ADAMTS16: variants seen among roughly 807,000 people sequenced by gnomAD.
ADAMTS16 encodes the protein ADAM metallopeptidase with thrombospondin type 1 motif 16, also known as A disintegrin and metalloproteinase with thrombospondin motifs 16.
A neutral mutation model predicts 145.8 loss-of-function variants in ADAMTS16; 94 were observed. That is an observed-to-expected ratio of 0.64 (90% confidence interval 0.55 to 0.77). ADAMTS16 has a LOEUF of 0.77. ADAMTS16 is among the 30% of genes least tolerant of loss of function. The pLI, the probability that ADAMTS16 is intolerant of heterozygous loss-of-function variation, is 0.00. For synonymous variants in ADAMTS16, 659 were observed against 604.3 expected, an observed-to-expected ratio of 1.09 and a Z score of -1.33; for missense variants, 1,585 against 1,591.5, an observed-to-expected ratio of 1.00 and a Z score of 0.07.
chr5:5,263,818 C>G (rs1183734265), intron 18 of ADAMTS16, among the ~76,000 whole-genome samples: 1 of 152,198 alleles, frequency 6.6e-6, no homozygotes, highest in Non-Finnish European at 1.5e-5. Context: ...CAGCTGCCCT[C>G]CACCAGCGGG....
rs140155478 is a variant in ADAMTS16, at chr5:5,301,789, A to T, written c.2790-1479A>T. 3.0e-3 allele frequency among the ~76,000 whole-genome samples: 461 copies of T among 152,144 alleles called. 2 individuals are homozygous for T. Among genetic ancestry groups the T allele is most frequent in the Non-Finnish European group, 4.6e-3 (315 of 68,002 alleles). On this transcript the variant is annotated intron_variant, in intron 18 of 22. Transcript: ENST00000274181. ...TCAGGAGCAAGTCACTGTTGCCCTA[A>T]CTCTACTCAGCAATGCCGTAGAGTG...
chr5:5,318,281 G>A lies in ADAMTS16; in HGVS notation c.3559G>A (p.Asp1187Asn). 6.8e-7 allele frequency: 1 copy of A among 1,460,104 alleles called. No homozygotes were observed. Among genetic ancestry groups the A allele is most frequent in the Non-Finnish European group, 9.1e-7 (1 of 1,093,388 alleles). 90.4% of individuals were successfully genotyped at this position (1,460,104 alleles called of 1,614,324 possible). The change falls in exon 22 of 23, where the codon GAT becomes AAT. Residue 1187 changes from aspartate (D) to asparagine (N), a missense_variant and splice_region_variant. Around this residue, in one of 3 missense-constraint regions of ADAMTS16, gnomAD observed 834 missense variants for 811.7 expected, o/e 1.03. Coordinates refer to ENST00000274181, the MANE Select transcript of ADAMTS16 (RefSeq NM_139056.4). Reference protein sequence around the residue: ...THFCPIAEKKDAFCKDYFHWC... With the variant: ...THFCPIAEKKNAFCKDYFHWC... ...CTTCTGCCCCATTGCAGAGAAGAAA[G>A]GTGAGTACATGGGGCCCCTCAGCAT...
At chr5:5,260,683 A>G (rs1004878979) in intron 17 of ADAMTS16, among the ~76,000 whole-genome samples, 2 of 152,174 alleles carry the variant, frequency 1.3e-5, no homozygotes, top group Non-Finnish European at 2.9e-5. Context: ...AACTTAGGAG[A>G]GCTGCCCTCC....
chr5:5,312,320 A>G (rs1283057349), intron 21 of ADAMTS16, among the ~76,000 whole-genome samples: 1 of 152,198 alleles, frequency 6.6e-6, no homozygotes, highest in African/African-American at 2.4e-5. Flanking sequence ...TGGAGCAGGG[A>G]GCATTTGAAC....
In ADAMTS16 at chr5:5,303,443, GC is replaced by G. The variant is rs1739879749; in HGVS notation, c.2966del (p.Ala989AspfsTer77). On this transcript the variant is annotated frameshift_variant, in exon 19 of 23. Coordinates refer to ENST00000274181, the MANE Select transcript of ADAMTS16 (RefSeq NM_139056.4). LOFTEE classifies it high-confidence loss of function. ...QACNSQSCPP[A>X]WSAGPWAECS... ...CTGCAACTCTCAGAGCTGCCCACCT[GC>G]ATGGAGCGCCGGGCCCTGGGCAGAG... The G allele has an allele frequency of 6.2e-7, 1 of 1,611,000 alleles. No individual in the cohort carries two copies. Among genetic ancestry groups the G allele is most frequent in the African/African-American group, 1.3e-5 (1 of 74,910 alleles).
At chr5:5,267,402 G>C (rs1029889674) in intron 18 of ADAMTS16, among the ~76,000 whole-genome samples, 1 of 152,164 alleles carries the variant, frequency 6.6e-6, no homozygotes, top group Non-Finnish European at 1.5e-5. Context: ...TGGAGAATGA[G>C]TACAAGGTTT....
intron 10 of ADAMTS16, among the ~76,000 whole-genome samples, chr5:5,215,792 T>TG (rs1443507721): frequency 2.2e-5 from 1 of 46,204 alleles, no homozygotes; most frequent in African/African-American, 1.8e-4. Flanking sequence ...TATATATATG[T>TG]GTGGTATATA....
At chr5:5,143,225 T>C (rs1734211003) in intron 2 of ADAMTS16, among the ~76,000 whole-genome samples, 1 of 152,132 alleles carries the variant, frequency 6.6e-6, no homozygotes, top group Non-Finnish European at 1.5e-5. Flanking sequence ...TTGTAATCTA[T>C]CCATCTGACA....
At chr5:5,309,855 T>TGTGTGTGC (rs1025058238) in intron 21 of ADAMTS16, among the ~76,000 whole-genome samples, 1 of 149,684 alleles carries the variant, frequency 6.7e-6, no homozygotes, top group African/African-American at 2.5e-5. Context: ...TGTGTGTGTG[T>TGTGTGTGC]GCATGTGATC....
intron 13 of ADAMTS16, 56 bp downstream of exon 13, chr5:5,235,242 TA>T (rs1485113255): frequency 3.5e-6 from 5 of 1,431,806 alleles, no homozygotes; most frequent in Non-Finnish European, 4.6e-6. Context: ...CTTTACTTTT[TA>T]AAGAAGTACA....
intron 18 of ADAMTS16, among the ~76,000 whole-genome samples, chr5:5,279,905 CTT>C (rs1269774594): frequency 4.4e-4 from 17 of 38,320 alleles, no homozygotes; most frequent in Non-Finnish European, 1.1e-3. Flanking sequence ...TCTTTCTTTT[CTT>C]TTCTTTCTTT....
At chr5:5,216,410 T>C (rs987042648) in intron 10 of ADAMTS16, among the ~76,000 whole-genome samples, 6 of 152,020 alleles carry the variant, frequency 3.9e-5, no homozygotes, top group African/African-American at 1.4e-4. Flanking sequence ...GAGTTCATTG[T>C]AGATCCTGGA....
chr5:5,218,297 G>C (rs1736493028), intron 10 of ADAMTS16, among the ~76,000 whole-genome samples: 2 of 152,064 alleles, frequency 1.3e-5, no homozygotes, highest in Non-Finnish European at 2.9e-5. Context: ...GTAATACATC[G>C]ATACTGAAAC....
intron 3 of ADAMTS16, among the ~76,000 whole-genome samples, chr5:5,147,345 C>A (rs1344575905): frequency 6.6e-6 from 1 of 152,138 alleles, no homozygotes. Context: ...ACGTTTATTG[C>A]TTCTCTAGAA....
chr5:5,161,683 T>C lies in ADAMTS16; in HGVS notation c.501+15228T>C, dbSNP rs115339442. ...CCATTCACAGGTCCTTTCCACTATT[T>C]TTCTCTTCACATTAATACCATTCTT... On this transcript the variant is annotated intron_variant, in intron 3 of 22. Coordinates refer to ENST00000274181, the MANE Select transcript of ADAMTS16 (RefSeq NM_139056.4). 6.1e-3 allele frequency among the ~76,000 whole-genome samples: 931 copies of C among 152,292 alleles called. 8 individuals carry two copies. The highest frequency in any genetic ancestry group is 0.022 in the African/African-American group (897 of 41,540).
chr5:5,182,467 G>C (rs1221912073), intron 4 of ADAMTS16, among the ~76,000 whole-genome samples, 162 bp downstream of exon 4: 1 of 152,180 alleles, frequency 6.6e-6, no homozygotes. Flanking sequence ...TCCCTTATCT[G>C]TAAGTTCAGC....
At position 5,269,248 on chromosome 5, in the gene ADAMTS16, C is replaced by T. The variant is rs918067586; in HGVS notation, c.2789+6465C>T. ...TGCTGGAACCCTCCCCTCACCAGCA[C>T]CTGAGCTGCCTTGCTTCACCCTCGC... is the stretch of plus-strand genomic sequence containing the variant. On this transcript the variant is annotated intron_variant, in intron 18 of 22. Coordinates refer to ENST00000274181, the MANE Select transcript of ADAMTS16 (RefSeq NM_139056.4). This position sits in a 1 kb window ranked among gnomAD's most constrained non-coding sequence, Gnocchi z 4.3. Among the ~76,000 whole-genome samples the T allele has an allele frequency of 2.6e-5, 4 of 152,040 alleles. No individual in the cohort carries two copies. Among genetic ancestry groups the T allele is most frequent in the Non-Finnish European group, 5.9e-5 (4 of 68,028 alleles).
At chr5:5,185,259 C>T (rs1312191528) in intron 4 of ADAMTS16, among the ~76,000 whole-genome samples, 2 of 152,134 alleles carry the variant, frequency 1.3e-5, no homozygotes, top group South Asian at 2.1e-4. Flanking sequence ...CAGTATGCTC[C>T]GTGAATACAG....
chr5:5,229,169 G>A (rs1736852418), intron 11 of ADAMTS16, among the ~76,000 whole-genome samples: 1 of 151,442 alleles, frequency 6.6e-6, no homozygotes, highest in Admixed American at 6.6e-5. Flanking sequence ...GCGGTGGCGG[G>A]CGCCTGTAGT....
Sources: gnomAD v4.1 joint callset for allele counts (sites outside exome capture counted in the v4.1 genomes callset) on GRCh38, gnomAD v4.1.1 for gene constraint, gnomAD v4.1.1 regional missense constraint, Gnocchi (gnomAD v3.1) non-coding constraint, MANE v1.5 for transcripts, NCBI Gene and HGNC (gene_info 2026-07-23, HGNC 2026-07-21) for gene names.